The following AGBL4 variants were observed in gnomAD, a reference collection of about 807,000 sequenced individuals.
AGBL4 encodes the protein AGBL carboxypeptidase 4.
In AGBL4, 58 loss-of-function variants were observed where a neutral mutation model predicts 66.4. The observed-to-expected ratio is 0.87, with a 90% CI of 0.71 to 1.09. The LOEUF (loss-of-function observed/expected upper bound fraction) is 1.09. Ranked by LOEUF, AGBL4 falls within the 50% of genes least tolerant of loss-of-function variation. The pLI is 0.00. For synonymous variants in AGBL4, 234 were observed against 222.9 expected (o/e 1.05, Z -0.44); for missense variants, 579 against 631.0 (o/e 0.92, Z 0.88).
intron 1 of AGBL4, among the ~76,000 whole-genome samples, chr1:49,926,516 C>T (rs191697211): frequency 5.9e-5 from 9 of 152,258 alleles, no homozygotes; most frequent in Non-Finnish European, 1.3e-4. Flanking sequence ...TTAAAACCAT[C>T]CAGGAAAACA....
At chr1:49,144,330 C>T (rs1475470826) in intron 4 of AGBL4, among the ~76,000 whole-genome samples, 1 of 151,864 alleles carries the variant, frequency 6.6e-6, no homozygotes, top group Non-Finnish European at 1.5e-5. Context: ...GTGAGCCCAT[C>T]ATTGAGGAAG....
chr1:49,017,492 TA>T (rs1420180076), intron 5 of AGBL4, among the ~76,000 whole-genome samples: 1 of 152,176 alleles, frequency 6.6e-6, no homozygotes, highest in Non-Finnish European at 1.5e-5. Context: ...CTAATGGAGA[TA>T]TTTGGAGTTC....
chr1:49,667,387 G>A (rs531401591), intron 3 of AGBL4, among the ~76,000 whole-genome samples: 2 of 152,048 alleles, frequency 1.3e-5, no homozygotes, highest in Non-Finnish European at 2.9e-5. Flanking sequence ...GAGCCGGGGA[G>A]GTCAAGGCTT....
chr1:50,003,706 C>T (rs1557653791), intron 1 of AGBL4, among the ~76,000 whole-genome samples: 1 of 151,972 alleles, frequency 6.6e-6, no homozygotes, highest in Non-Finnish European at 1.5e-5. Context: ...AGAAAGGGGC[C>T]AAAGATCTAG....
intron 3 of AGBL4, among the ~76,000 whole-genome samples, chr1:49,564,409 T>C (rs1026560927): frequency 6.6e-6 from 1 of 152,208 alleles, no homozygotes; most frequent in African/African-American, 2.4e-5. Context: ...AGGGTGCCAA[T>C]TTTAGATCTT....
At chr1:49,256,856 G>A (rs1377138362) in intron 3 of AGBL4, among the ~76,000 whole-genome samples, 4 of 152,136 alleles carry the variant, frequency 2.6e-5, no homozygotes, top group Admixed American at 6.5e-5. Flanking sequence ...AAACAATATC[G>A]TAGATCAGAT....
chr1:49,388,545 T>C (rs1306417676), intron 3 of AGBL4, among the ~76,000 whole-genome samples: 1 of 152,164 alleles, frequency 6.6e-6, no homozygotes, highest in Non-Finnish European at 1.5e-5. Flanking sequence ...TTCAAGATCA[T>C]ACAGTAGTAA....
At chr1:49,422,344 T>A (rs1220609473) in intron 3 of AGBL4, among the ~76,000 whole-genome samples, 1 of 152,232 alleles carries the variant, frequency 6.6e-6, no homozygotes, top group Non-Finnish European at 1.5e-5. Flanking sequence ...GTGGTTTCTA[T>A]GTCTTCACAA....
intron 4 of AGBL4, among the ~76,000 whole-genome samples, chr1:49,156,486 C>A (rs757183348): frequency 6.6e-6 from 1 of 152,104 alleles, no homozygotes; most frequent in Non-Finnish European, 1.5e-5. Flanking sequence ...AGCTCAAGGC[C>A]TCTCATGAGG....
At chr1:48,683,938 A>G (rs932972018) in intron 6 of AGBL4, among the ~76,000 whole-genome samples, 1 of 152,334 alleles carries the variant, frequency 6.6e-6, no homozygotes, top group East Asian at 1.9e-4. Flanking sequence ...AAAATCTAAT[A>G]AGAAAGCACT....
intron 6 of AGBL4, among the ~76,000 whole-genome samples, chr1:48,791,501 C>A (rs974711084): frequency 6.6e-6 from 1 of 152,166 alleles, no homozygotes. Flanking sequence ...TGAGCCCAAC[C>A]CATTTTGGGG....
chr1:49,434,923 G>T (rs939124178), intron 3 of AGBL4, among the ~76,000 whole-genome samples: 2 of 151,832 alleles, frequency 1.3e-5, no homozygotes, highest in African/African-American at 4.8e-5. Flanking sequence ...TGGAGGTCTC[G>T]AGGGCCCACA....
intron 6 of AGBL4, among the ~76,000 whole-genome samples, chr1:48,775,615 C>G (rs1160940432): frequency 6.6e-6 from 1 of 152,192 alleles, no homozygotes; most frequent in Non-Finnish European, 1.5e-5. Flanking sequence ...CCTTGCTTGT[C>G]TAGACTCAAA....
intron 3 of AGBL4, among the ~76,000 whole-genome samples, chr1:49,590,521 G>A (rs142469696): frequency 3.3e-5 from 5 of 152,034 alleles, no homozygotes; most frequent in East Asian, 1.9e-4. Flanking sequence ...AAGTTGTCTC[G>A]AGGTAGAAAA....
chr1:49,237,037 T>C (rs943644370), intron 4 of AGBL4, among the ~76,000 whole-genome samples: 5 of 150,954 alleles, frequency 3.3e-5, no homozygotes, highest in African/African-American at 1.2e-4. Context: ...GGGCGGATCA[T>C]GAGGTTAGGA....
intron 2 of AGBL4, among the ~76,000 whole-genome samples, chr1:49,837,673 G>A (rs546519852): frequency 1.8e-4 from 28 of 152,132 alleles, no homozygotes; most frequent in African/African-American, 2.6e-4. Context: ...GTGAAACCCC[G>A]TCTCTACTAA....
In AGBL4 at chr1:49,130,061, C is replaced by T. The variant is rs569053751; in HGVS notation, c.378-84261G>A. Among the ~76,000 whole-genome samples, 7 of 151,848 alleles carry T rather than the reference C, an allele frequency of 4.6e-5. No individual in the cohort carries two copies. In the East Asian group the frequency reaches 1.4e-3, roughly 30 times the overall value. On this transcript the variant is annotated intron_variant, in intron 4 of 13. Transcript: ENST00000371839. ...GTTTTGATTTGCATTTCTCTGATGGCCAGTGATGGTGAGCATTTTTTCATG... is the reference window on the plus strand; with the variant it reads ...GTTTTGATTTGCATTTCTCTGATGGTCAGTGATGGTGAGCATTTTTTCATG...
chr1:48,663,114 A>T, intron 7 of AGBL4, 38 bp downstream of exon 7: 1 of 1,592,920 alleles, frequency 6.3e-7, no homozygotes, highest in Non-Finnish European at 8.6e-7. Flanking sequence ...TCCCAGTTGG[A>T]TGTGGGTATA....
intron 11 of AGBL4, among the ~76,000 whole-genome samples, chr1:48,574,216 A>G (rs1295585192): frequency 1.3e-5 from 2 of 152,174 alleles, no homozygotes. Context: ...CCACCTATGC[A>G]CTGTTCCACC....
Sources: allele counts gnomAD v4.1 joint callset (sites outside exome capture counted in the v4.1 genomes callset), GRCh38; gene constraint gnomAD v4.1.1; transcripts MANE v1.5; gene names NCBI Gene and HGNC (gene_info 2026-07-23, HGNC 2026-07-21).